FOXP2: variants seen among roughly 807,000 people sequenced by gnomAD.
FOXP2 encodes forkhead box protein P2.
A neutral mutation model predicts 115.8 loss-of-function variants in FOXP2; 12 were observed. The observed-to-expected ratio is 0.10, with a 90% CI of 0.07 to 0.17. The LOEUF (loss-of-function observed/expected upper bound fraction) is 0.17, where lower values mean the gene tolerates loss of function less well. Among genes scored for constraint, FOXP2 ranks in the 10% least tolerant of loss-of-function variants. The pLI is 1.00. For missense variants in FOXP2, 629 were observed against 843.5 expected, an observed-to-expected ratio of 0.75 and a Z score of 3.15; for synonymous variants, 328 against 297.7, an observed-to-expected ratio of 1.10 and a Z score of -1.05.
chr7:114,306,724 G>T (rs762841042), intron 2 of FOXP2, among the ~76,000 whole-genome samples: 26 of 152,254 alleles, frequency 1.7e-4, no homozygotes, highest in South Asian at 1.2e-3. Flanking sequence ...CTGGTCTAAA[G>T]TAAAGGTGTC....
intron 2 of FOXP2, among the ~76,000 whole-genome samples, chr7:114,509,640 T>C (rs1584826284): frequency 3.5e-5 from 5 of 142,320 alleles, no homozygotes; most frequent in Admixed American, 7.1e-5. Context: ...AGCAGAAGGG[T>C]ACTTGTTTGT....
chr7:114,526,505 C>G (rs1798881335), intron 2 of FOXP2, among the ~76,000 whole-genome samples: 1 of 149,046 alleles, frequency 6.7e-6, no homozygotes, highest in African/African-American at 2.5e-5. Flanking sequence ...AAAAACACAA[C>G]AAACAAAACC....
intron 1 of FOXP2, among the ~76,000 whole-genome samples, chr7:114,264,792 G>A (rs1330649687): frequency 6.6e-6 from 1 of 152,118 alleles, no homozygotes; most frequent in African/African-American, 2.4e-5. Context: ...TACTCATGGG[G>A]GAAGGCGAAG....
chr7:114,403,785 T>A (rs926831575), intron 2 of FOXP2, among the ~76,000 whole-genome samples: 4 of 152,146 alleles, frequency 2.6e-5, no homozygotes, highest in Non-Finnish European at 4.4e-5. Flanking sequence ...AGAACCTTAT[T>A]GGGGAACCCT....
chr7:114,096,062 G>C (rs1282174431), intron 1 of FOXP2, among the ~76,000 whole-genome samples: 1 of 151,998 alleles, frequency 6.6e-6, no homozygotes. Flanking sequence ...TCCCTACTTT[G>C]CTTTCCCAGT....
intron 3 of FOXP2, among the ~76,000 whole-genome samples, chr7:114,595,322 G>C (rs939202260): frequency 6.6e-6 from 1 of 152,034 alleles, no homozygotes; most frequent in African/African-American, 2.4e-5. Context: ...AACCGATGAA[G>C]CATTTTTATT....
intron 1 of FOXP2, among the ~76,000 whole-genome samples, chr7:114,141,948 TTTG>T (rs1792223299): frequency 1.3e-5 from 2 of 152,332 alleles, no homozygotes; most frequent in African/African-American, 4.8e-5. Context: ...GGTTGGACTT[TTTG>T]TTCTGTTCTT....
chr7:114,493,669 CTCTCTCTCATTCTG>C (rs956893383), intron 2 of FOXP2, among the ~76,000 whole-genome samples: 1 of 152,038 alleles, frequency 6.6e-6, no homozygotes, highest in Non-Finnish European at 1.5e-5. Context: ...CTCTCTCTCT[CTCTCTCTCATTCTG>C]TCTCTCTCAC....
intron 2 of FOXP2, among the ~76,000 whole-genome samples, chr7:114,453,251 G>T (rs1214767584): frequency 1.3e-5 from 2 of 152,176 alleles, no homozygotes; most frequent in Admixed American, 1.3e-4. Context: ...TCAAAAACTA[G>T]TCAGTAACTG....
Position 114,691,964 on chromosome 7 carries a change from A to G in FOXP2, c.*2038A>G, listed in dbSNP as rs952000159. On this transcript the variant is annotated 3_prime_UTR_variant, in exon 17 of 17. Coordinates refer to ENST00000350908, the MANE Select transcript of FOXP2 (RefSeq NM_014491.4). ...AAAAGAAAAAAAAAAAAAGAAAAAC[A>G]TTAGAACAATTATGGCAGATTGCAT... 5.4e-5 allele frequency: 23 copies of G among 423,180 alleles called. No homozygotes were observed. The highest frequency in any genetic ancestry group is 2.7e-4 in the African/African-American group (13 of 47,582). The allele number at this position is 423,180 out of a possible 1,614,324, so 26.2% of individuals were successfully genotyped here.
At chr7:114,209,690 C>G (rs1794293964) in intron 1 of FOXP2, among the ~76,000 whole-genome samples, 1 of 152,080 alleles carries the variant, frequency 6.6e-6, no homozygotes, top group Non-Finnish European at 1.5e-5. Flanking sequence ...TCAATGTTGG[C>G]CTGTCTTGTT....
At chr7:114,339,067 A>G (rs1562877445) in intron 2 of FOXP2, among the ~76,000 whole-genome samples, 1 of 151,226 alleles carries the variant, frequency 6.6e-6, no homozygotes, top group South Asian at 2.1e-4. Flanking sequence ...GCTTTTCCAG[A>G]AAAAAGTGTA....
chr7:114,385,847 G>A (rs1014960747), intron 2 of FOXP2, among the ~76,000 whole-genome samples: 4 of 152,112 alleles, frequency 2.6e-5, no homozygotes, highest in Non-Finnish European at 5.9e-5. Context: ...GTGGCGGGCC[G>A]CTTCCAAGAT....
At position 114,225,384 on chromosome 7, in the gene FOXP2, C is replaced by G. The variant is rs1028933110; in HGVS notation, c.-102+62296C>G. Among the ~76,000 whole-genome samples the G allele has an allele frequency of 4.0e-5, 6 of 150,946 alleles. No individual in the cohort carries two copies. In the Admixed American group the frequency reaches 4.0e-4, roughly 10 times the overall value. The stretch of plus-strand genomic sequence containing the variant: ...TGGTTCATCTTACTTTGGCTCTCAA[C>G]TTTTTCTTGAGTAAGCACATATTTT... On this transcript the variant is annotated intron_variant, in intron 1 of 17. Transcript: ENST00000634411.
intron 1 of FOXP2, among the ~76,000 whole-genome samples, chr7:114,135,933 A>T (rs1792025976): frequency 6.6e-6 from 1 of 152,118 alleles, no homozygotes; most frequent in Non-Finnish European, 1.5e-5. Flanking sequence ...TAAATGTTAT[A>T]CGTAATTATG....
intron 3 of FOXP2, among the ~76,000 whole-genome samples, chr7:114,617,122 A>G (rs1320909394): frequency 1.3e-5 from 2 of 152,092 alleles, no homozygotes; most frequent in East Asian, 3.9e-4. Flanking sequence ...CCCCATATAT[A>G]ACAGCCTCGT....
At chr7:114,294,913 TAC>T in intron 2 of FOXP2, among the ~76,000 whole-genome samples, 1 of 150,880 alleles carries the variant, frequency 6.6e-6, no homozygotes, top group African/African-American at 2.5e-5. Context: ...CATGCATATA[TAC>T]ATACATACAT....
intron 1 of FOXP2, among the ~76,000 whole-genome samples, chr7:114,282,314 C>A (rs189795168): frequency 2.4e-4 from 37 of 152,230 alleles, no homozygotes; most frequent in Non-Finnish European, 4.9e-4. Context: ...AGTTTTTGAA[C>A]TTTAAACAAT....
intron 2 of FOXP2, among the ~76,000 whole-genome samples, chr7:114,503,095 A>T (rs539524030): frequency 6.6e-6 from 1 of 151,962 alleles, no homozygotes; most frequent in African/African-American, 2.4e-5. Flanking sequence ...GCACACAGAA[A>T]AACCATTGTG....
Sources: gnomAD v4.1 joint callset for allele counts (sites outside exome capture counted in the v4.1 genomes callset) on GRCh38, gnomAD v4.1.1 for gene constraint, MANE v1.5 for transcripts, NCBI Gene and HGNC (gene_info 2026-07-23, HGNC 2026-07-21) for gene names.